The following ADGRL2 variants were observed in gnomAD, a reference collection of about 807,000 sequenced individuals.
ADGRL2 encodes the protein calcium-independent alpha-latrotoxin receptor 2.
In ADGRL2, 44 loss-of-function variants were observed where a neutral mutation model predicts 157.4. The observed-to-expected ratio is 0.28, with a 90% CI of 0.22 to 0.36. The LOEUF (loss-of-function observed/expected upper bound fraction) is 0.36, where lower values mean the gene tolerates loss of function less well. Among genes scored for constraint, ADGRL2 ranks in the 10% least tolerant of loss-of-function variants. The probability of loss-of-function intolerance (pLI) is 1.00; values close to 1 mark genes in which losing one functional copy is unlikely to be tolerated. For missense variants in ADGRL2, 1,510 were observed against 1,768.9 expected, an observed-to-expected ratio of 0.85 and a Z score of 2.63; for synonymous variants, 585 against 624.7, an observed-to-expected ratio of 0.94 and a Z score of 0.95.
chr1:81,502,567 G>A, intron 2 of ADGRL2: 1 of 1,614,018 alleles, frequency 6.2e-7, no homozygotes, highest in Non-Finnish European at 8.5e-7. Flanking sequence ...AGGGGGGCCT[G>A]GTGGAGATCA....
rs145518728 is a variant in ADGRL2, at chr1:81,756,738, G to C, written c.-142-5073G>C. On this transcript the variant is annotated intron_variant, in intron 1 of 20. Coordinates refer to the ADGRL2 transcript ENST00000359929. The stretch of plus-strand genomic sequence containing the variant: ...TGATTTTTTTATAGGCCAGCAATAT[G>C]TCTTTCTCCATTCATTCAACAAATA... Among the ~76,000 whole-genome samples, 15 of 152,222 alleles carry C rather than the reference G, an allele frequency of 9.9e-5. No individual in the cohort carries two copies. The East Asian group carries it at 2.9e-3, about 29-fold the overall frequency.
chr1:81,686,393 T>C (rs1475583055), intron 3 of ADGRL2, among the ~76,000 whole-genome samples: 1 of 152,218 alleles, frequency 6.6e-6, no homozygotes, highest in Non-Finnish European at 1.5e-5. Context: ...AATTTACCCA[T>C]CTCTTCTAGA....
At chr1:81,575,797 T>C (rs1359393768) in intron 2 of ADGRL2, among the ~76,000 whole-genome samples, 1 of 152,150 alleles carries the variant, frequency 6.6e-6, no homozygotes, top group East Asian at 1.9e-4. Flanking sequence ...ATAAAATGAA[T>C]TAATTTACCC....
chr1:81,776,746 T>G (rs989171895), intron 2 of ADGRL2, among the ~76,000 whole-genome samples: 1 of 152,218 alleles, frequency 6.6e-6, no homozygotes, highest in South Asian at 2.1e-4. Context: ...AAATCTTCTA[T>G]AGAGGATAAG....
At chr1:81,980,796 A>C (rs1339975939) in intron 18 of ADGRL2, 1 of 709,438 alleles carries the variant, frequency 1.4e-6, no homozygotes, top group East Asian at 2.5e-5. Context: ...CTACACCAGT[A>C]ATTACCGTGT....
chr1:81,700,825 CAG>C (rs1403559241), intron 1 of ADGRL2, among the ~76,000 whole-genome samples: 13 of 152,108 alleles, frequency 8.5e-5, no homozygotes, highest in African/African-American at 2.7e-4. Context: ...ATGCTGGGGA[CAG>C]AGTGTCATGT....
intron 2 of ADGRL2, among the ~76,000 whole-genome samples, chr1:81,556,953 C>A (rs1038914923): frequency 6.6e-6 from 1 of 151,232 alleles, no homozygotes; most frequent in Non-Finnish European, 1.5e-5. Flanking sequence ...GTGTCGTATG[C>A]CTGTAATCCC....
chr1:81,813,202 A>G (rs1314799602), intron 1 of ADGRL2, among the ~76,000 whole-genome samples: 1 of 150,472 alleles, frequency 6.6e-6, no homozygotes. Flanking sequence ...TAGTAACATT[A>G]TTTTAGAATT....
At chr1:81,795,485 A>C (rs2087541299), upstream of ADGRL2, among the ~76,000 whole-genome samples, 1 of 152,212 alleles carries the variant, frequency 6.6e-6, no homozygotes, top group African/African-American at 2.4e-5. Context: ...AATTATGAAA[A>C]CTTTAATGTA....
At chr1:81,411,472 A>G (rs2101425338) in intron 1 of ADGRL2, among the ~76,000 whole-genome samples, 1 of 152,324 alleles carries the variant, frequency 6.6e-6, no homozygotes, top group African/African-American at 2.4e-5. Flanking sequence ...GTGATGAGAA[A>G]CTGAGGCACA....
At chr1:81,721,339 T>C (rs1293877540) in intron 1 of ADGRL2, among the ~76,000 whole-genome samples, 1 of 152,176 alleles carries the variant, frequency 6.6e-6, no homozygotes, top group Admixed American at 6.5e-5. Context: ...ATAACCACAC[T>C]GCTTTTAGTT....
At chr1:81,950,956 A>T in intron 7 of ADGRL2, 62 bp from the exon 8 acceptor site, 4 of 1,019,752 alleles carry the variant, frequency 3.9e-6, no homozygotes, top group East Asian at 2.4e-5. Flanking sequence ...ATCATAGCTG[A>T]TTCCCGAATG....
intron 3 of ADGRL2, among the ~76,000 whole-genome samples, chr1:81,692,103 A>G (rs1003539419): frequency 1.3e-5 from 2 of 151,862 alleles, no homozygotes; most frequent in African/African-American, 2.4e-5. Flanking sequence ...CTCAGTATAT[A>G]TATGTGCATA....
intron 1 of ADGRL2, among the ~76,000 whole-genome samples, chr1:81,343,400 C>T (rs550578210): frequency 2.6e-5 from 4 of 152,144 alleles, no homozygotes; most frequent in African/African-American, 9.6e-5. Context: ...AACAATCTTT[C>T]TTTAACAATA....
intron 2 of ADGRL2, among the ~76,000 whole-genome samples, chr1:81,885,184 A>G (rs2094098092): frequency 6.6e-6 from 1 of 152,224 alleles, no homozygotes; most frequent in South Asian, 2.1e-4. Flanking sequence ...AGCTGGTATC[A>G]TCTATTTGGC....
Position 81,990,535 on chromosome 1 carries a change from C to A in ADGRL2, c.3800C>A (p.Thr1267Asn), listed in dbSNP as rs770344370. 6.2e-7 allele frequency: 1 copy of A among 1,614,132 alleles called. No individual in the cohort carries two copies. Among genetic ancestry groups the A allele is most frequent in the East Asian group, 2.2e-5 (1 of 44,872 alleles). ...VVDCGLSLND[T>N]AFEKMIISEL... Reference sequence around the variant, plus strand: ...GACTGTGGACTAAGTCTGAATGATACTGCTTTTGAGAAAATGATCATTTCA... The same window carrying A: ...GACTGTGGACTAAGTCTGAATGATAATGCTTTTGAGAAAATGATCATTTCA... Residue 1267 changes from threonine (T) to asparagine (N), a missense_variant, in exon 24 of 24, where the codon ACT becomes AAT. By Grantham distance (65) the Thr-to-Asn change is moderately conservative (BLOSUM62 0). Coordinates refer to ENST00000686636, the MANE Select transcript of ADGRL2 (RefSeq NM_001366006.2).
intron 3 of ADGRL2, among the ~76,000 whole-genome samples, chr1:81,661,187 T>A (rs1570763029): frequency 1.5e-5 from 1 of 67,940 alleles, no homozygotes. Context: ...TCCATAAGCA[T>A]TTTTTTTATT....
chr1:81,647,619 A>T (rs2082339240), intron 3 of ADGRL2, among the ~76,000 whole-genome samples: 1 of 152,216 alleles, frequency 6.6e-6, no homozygotes, highest in Non-Finnish European at 1.5e-5. Flanking sequence ...TCCTCAAGGT[A>T]TCCCAAAAAT....
chr1:81,626,376 G>A (rs778183429), intron 3 of ADGRL2, among the ~76,000 whole-genome samples: 1 of 152,160 alleles, frequency 6.6e-6, no homozygotes, highest in Non-Finnish European at 1.5e-5. Flanking sequence ...TGCGATCTCA[G>A]CTCACTGCAG....
Sources: allele counts gnomAD v4.1 joint callset (sites outside exome capture counted in the v4.1 genomes callset), GRCh38; gene constraint gnomAD v4.1.1; transcripts MANE v1.5; gene names NCBI Gene and HGNC (gene_info 2026-07-23, HGNC 2026-07-21).